SSR2: variants seen among roughly 807,000 people sequenced by gnomAD.
The protein encoded by SSR2 is signal sequence receptor subunit 2, also known as translocon-associated protein subunit beta.
A neutral mutation model predicts 22.6 loss-of-function variants in SSR2; 16 were observed. That is an observed-to-expected ratio of 0.71 (90% CI 0.48 to 1.08). The LOEUF is 1.08. Ranked by LOEUF, SSR2 falls within the 50% of genes least tolerant of loss-of-function variation. The pLI, the probability that SSR2 is intolerant of heterozygous loss-of-function variation, is 0.00. For missense variants in SSR2, 171 were observed against 221.6 expected (o/e 0.77, Z 1.45); for synonymous variants, 83 against 91.2 (o/e 0.91, Z 0.51).
intron 3 of SSR2, 38 bp downstream of exon 3, chr1:156,018,232 G>GC (rs756811900): frequency 2.6e-6 from 4 of 1,538,252 alleles, no homozygotes; most frequent in African/African-American, 2.7e-5. Context: ...GGCTCTCCCT[G>GC]CCCCCCGACC....
chr1:156,017,518 T>A (rs929266912), intron 3 of SSR2, among the ~76,000 whole-genome samples: 4 of 151,384 alleles, frequency 2.6e-5, no homozygotes, highest in African/African-American at 9.7e-5. Context: ...CCTGGCTAAT[T>A]TTTGTATTTT....
At chr1:156,014,723 G>C (rs1235611979) in intron 4 of SSR2, 3 of 339,706 alleles carry the variant, frequency 8.8e-6, no homozygotes. Context: ...TGTATTTGTA[G>C]TAGAGATGGG....
At chr1:156,015,116 G>A in intron 3 of SSR2, 47 bp from the exon 4 acceptor site, 1 of 1,482,408 alleles carries the variant, frequency 6.7e-7, no homozygotes, top group Non-Finnish European at 9.4e-7. Flanking sequence ...TAAAGTTGTA[G>A]CAGCCTTTCA....
chr1:156,011,907 G>A lies in SSR2; in HGVS notation c.364-20C>T, dbSNP rs369843093. On this transcript the variant is annotated intron_variant, in intron 4 of 5. Coordinates refer to ENST00000295702, the MANE Select transcript of SSR2 (RefSeq NM_003145.4). Reference sequence around the variant, plus strand: ...GCCAATCTGAAAAGAAGAAAAGAACGACATTAAGGGAAGTCCACCTCATGA... The same window carrying A: ...GCCAATCTGAAAAGAAGAAAAGAACAACATTAAGGGAAGTCCACCTCATGA... 72 of 1,598,448 alleles carry A rather than the reference G, an allele frequency of 4.5e-5. No individual in the cohort carries two copies. Among genetic ancestry groups the A allele is most frequent in the African/African-American group, 2.0e-4 (15 of 74,684 alleles).
Position 156,015,185 on chromosome 1 carries a change from C to T in SSR2, c.255-116G>A, listed in dbSNP as rs1438469896. Reference sequence around the variant, plus strand: ...TTGCCAATACATGCTGATCTCATGCCGGCAATATTCTGCAGGAATGAAAAA... The same window carrying T: ...TTGCCAATACATGCTGATCTCATGCTGGCAATATTCTGCAGGAATGAAAAA... On this transcript the variant is annotated intron_variant, in intron 3 of 5. Transcript: ENST00000295702. 1.1e-5 allele frequency: 8 copies of T among 747,470 alleles called. 1 individual carries two copies. Among genetic ancestry groups the T allele is most frequent in the Middle Eastern group, 3.3e-4 (1 of 2,994 alleles). The allele number at this position is 747,470 out of a possible 1,614,324, so 46.3% of individuals were successfully genotyped here.
rs542759507 is a variant in SSR2 at position 156,012,567 on chromosome 1, T to C, written c.364-680A>G. 9.4e-5 allele frequency: 43 copies of C among 456,292 alleles called. 1 individual carries two copies. In the East Asian group the frequency reaches 2.9e-3, roughly 31 times the overall value. The allele number at this position is 456,292 out of a possible 1,614,324, so 28.3% of individuals were successfully genotyped here. A position where few individuals can be genotyped will look rare whatever the true frequency, so the allele number is the denominator to read the frequency against. On this transcript the variant is annotated intron_variant, in intron 4 of 5. Coordinates refer to ENST00000295702, the MANE Select transcript of SSR2 (RefSeq NM_003145.4). ...AACCAAAGAGTCCTGAGGTTGGTTC[T>C]GAAAGCAGAAATGATACCGGATGTG...
At chr1:156,011,564 G>C in intron 5 of SSR2, 1 of 308,042 alleles carries the variant, frequency 3.2e-6, no homozygotes. Context: ...GTTTAAGATG[G>C]GTATCTACTC....
At chr1:156,012,228 C>A (rs189849028) in intron 4 of SSR2, 23 of 293,196 alleles carry the variant, frequency 7.8e-5, no homozygotes, top group Middle Eastern at 1.2e-3. Flanking sequence ...TGAAGTTGCT[C>A]ACCACCACTG....
intron 5 of SSR2, chr1:156,010,769 C>T (rs1463646885): frequency 6.6e-6 from 1 of 152,302 alleles, no homozygotes; most frequent in East Asian, 1.9e-4. Context: ...TTCCATTCCT[C>T]CACCTCACAT....
intron 4 of SSR2, 120 bp downstream of exon 4, chr1:156,014,841 C>G: frequency 2.4e-6 from 2 of 826,512 alleles, no homozygotes; most frequent in Admixed American, 4.3e-5. Context: ...GCGCCCAGTC[C>G]TAACTGTATT....
chr1:156,015,505 CAAAAAAAAAAAAAA>C (rs1169214264), intron 3 of SSR2, among the ~76,000 whole-genome samples: 1 of 41,030 alleles, frequency 2.4e-5, no homozygotes, highest in African/African-American at 1.4e-4. Flanking sequence ...GACTCCGCCT[CAAAAAAAAAAAAAA>C]AAAAAAAAAA....
intron 3 of SSR2, 40 bp from the exon 4 acceptor site, chr1:156,015,109 A>G (rs369234175): frequency 1.3e-6 from 2 of 1,517,564 alleles, no homozygotes; most frequent in African/African-American, 2.7e-5. Flanking sequence ...ATGAAGCTAA[A>G]GTTGTAGCAG....
At chr1:156,011,097 C>T (rs1316264666) in intron 5 of SSR2, 1 of 152,024 alleles carries the variant, frequency 6.6e-6, no homozygotes, top group Non-Finnish European at 1.5e-5. Flanking sequence ...TCAGCCTCCC[C>T]ATTTACTATT....
chr1:156,017,459 C>G (rs185996365), intron 3 of SSR2, among the ~76,000 whole-genome samples: 1 of 152,252 alleles, frequency 6.6e-6, no homozygotes, highest in East Asian at 1.9e-4. Context: ...AAGCGATTCT[C>G]CTACCTCAGC....
intron 5 of SSR2, 135 bp downstream of exon 5, chr1:156,011,675 T>G: frequency 1.5e-6 from 1 of 670,192 alleles, no homozygotes; most frequent in Non-Finnish European, 2.6e-6. Context: ...TTGATGAGTA[T>G]CTATATCAGA....
intron 2 of SSR2, 52 bp from the exon 3 acceptor site, chr1:156,018,420 A>C: frequency 6.7e-7 from 1 of 1,501,476 alleles, no homozygotes; most frequent in Non-Finnish European, 9.2e-7. Context: ...TATAAAATTA[A>C]AGCAGGCCGG....
At chr1:156,010,158 A>G (rs914255215) in intron 5 of SSR2, 4 of 152,162 alleles carry the variant, frequency 2.6e-5, no homozygotes, top group African/African-American at 9.7e-5. Flanking sequence ...GGCTTAAGTA[A>G]TCCTCCCACT....
chr1:156,018,332 G>C lies in SSR2; in HGVS notation c.192C>G (p.Phe64Leu). 1 of 1,613,710 alleles carries C rather than the reference G, an allele frequency of 6.2e-7. No homozygotes were observed. Among genetic ancestry groups the C allele is most frequent in the Non-Finnish European group, 8.5e-7 (1 of 1,179,832 alleles). Residue 64 changes from phenylalanine to leucine, a missense_variant, in exon 3 of 6, where the codon TTC (phenylalanine) becomes TTG (leucine). Transcript: ENST00000295702. ...ACACAATGCCAAAGTCTTCTGGAGG[G>C]AAGGAATCATCAGATAGTTCCACGT... ...ALDVELSDDS[F>L]PPEDFGIVSG...
intron 2 of SSR2, 78 bp downstream of exon 2, chr1:156,019,933 ACC>A: frequency 6.7e-7 from 1 of 1,498,478 alleles, no homozygotes; most frequent in South Asian, 1.3e-5. Context: ...ACCACTACCC[ACC>A]AATATGCTCC....
Sources: allele counts gnomAD v4.1 joint callset (sites outside exome capture counted in the v4.1 genomes callset), GRCh38; gene constraint gnomAD v4.1.1; transcripts MANE v1.5; gene names NCBI Gene and HGNC (gene_info 2026-07-23, HGNC 2026-07-21).